KCNN2: variants seen among roughly 807,000 people sequenced by gnomAD.
KCNN2 encodes the protein potassium calcium-activated channel subfamily N member 2, also known as small conductance calcium-activated potassium channel protein 2.
A neutral mutation model predicts 55.5 loss-of-function variants in KCNN2; 24 were observed. The observed-to-expected ratio is 0.43, with a 90% confidence interval of 0.31 to 0.61. The LOEUF (loss-of-function observed/expected upper bound fraction) is 0.61. Among genes scored for constraint, KCNN2 ranks in the 20% least tolerant of loss-of-function variants. The pLI, the probability that KCNN2 is intolerant of heterozygous loss-of-function variation, is 0.08. For synonymous variants in KCNN2, 431 were observed against 336.1 expected (o/e 1.28, Z -3.09); for missense variants, 754 against 853.6 (o/e 0.88, Z 1.45).
rs1307519584 is a variant in KCNN2 at position 114,345,182 on chromosome 5, TCCA to T, written c.-184-15762_-184-15760del. ...CTCTATGGATTCATATAGATACATT[TCCA>T]AAATATCTTGTTAAGTGAAAAAAGT... On this transcript the variant is annotated intron_variant, in intron 2 of 10. Coordinates refer to the KCNN2 transcript ENST00000512097. Among the ~76,000 whole-genome samples, 26 of 152,308 alleles carry T rather than the reference TCCA, an allele frequency of 1.7e-4. No individual in the cohort carries two copies. In the South Asian group the frequency reaches 4.6e-3, roughly 27 times the overall value.
intron 5 of KCNN2, among the ~76,000 whole-genome samples, chr5:114,476,700 C>A (rs541984078): frequency 6.6e-6 from 1 of 152,020 alleles, no homozygotes; most frequent in East Asian, 1.9e-4. Flanking sequence ...GGATTACAGG[C>A]GTGAGCCACC....
At chr5:114,176,697 C>G (rs896134794) in intron 1 of KCNN2, among the ~76,000 whole-genome samples, 3 of 152,012 alleles carry the variant, frequency 2.0e-5, no homozygotes, top group Admixed American at 2.0e-4. Context: ...AATGAGGGTA[C>G]CAGTAAGATG....
chr5:114,117,542 G>C (rs1751729809), intron 1 of KCNN2, among the ~76,000 whole-genome samples: 1 of 152,202 alleles, frequency 6.6e-6, no homozygotes, highest in Non-Finnish European at 1.5e-5. Context: ...AATAACTGGA[G>C]AGCAGTGAAT....
intron 2 of KCNN2, among the ~76,000 whole-genome samples, chr5:114,343,487 A>T (rs909358873): frequency 3.9e-5 from 6 of 152,118 alleles, no homozygotes; most frequent in Non-Finnish European, 8.8e-5. Flanking sequence ...ATTTAGAGGG[A>T]ATTTTAGGTG....
intron 1 of KCNN2, among the ~76,000 whole-genome samples, chr5:114,069,899 A>G (rs900294110): frequency 6.6e-6 from 1 of 152,220 alleles, no homozygotes; most frequent in Non-Finnish European, 1.5e-5. Context: ...GAATGCAAGG[A>G]TACAGGTAAG....
intron 1 of KCNN2, among the ~76,000 whole-genome samples, chr5:114,069,174 T>C (rs1203905897): frequency 6.6e-6 from 1 of 152,190 alleles, no homozygotes; most frequent in Admixed American, 6.5e-5. Context: ...GTTTGTACAG[T>C]GTACCTGGTG....
intron 2 of KCNN2, among the ~76,000 whole-genome samples, chr5:114,278,175 G>A (rs1369417664): frequency 1.3e-5 from 2 of 152,164 alleles, no homozygotes; most frequent in African/African-American, 4.8e-5. Context: ...CACCAGTGGA[G>A]GCTGCAGAAC....
chr5:114,324,256 G>A (rs1756673983), intron 2 of KCNN2, among the ~76,000 whole-genome samples: 1 of 152,178 alleles, frequency 6.6e-6, no homozygotes, highest in Non-Finnish European at 1.5e-5. Flanking sequence ...CTAATCACGA[G>A]AACATGTGAG....
At chr5:114,274,255 T>C (rs1293306516) in intron 2 of KCNN2, among the ~76,000 whole-genome samples, 2 of 149,150 alleles carry the variant, frequency 1.3e-5, no homozygotes, top group African/African-American at 4.9e-5. Flanking sequence ...TTGTATAGTT[T>C]GAAGTCAGGT....
chr5:114,226,719 G>A (rs1238297238), intron 2 of KCNN2, among the ~76,000 whole-genome samples: 1 of 151,968 alleles, frequency 6.6e-6, no homozygotes, highest in South Asian at 2.1e-4. Context: ...TGGCTAACAC[G>A]GTGAATCCCA....
intron 2 of KCNN2, among the ~76,000 whole-genome samples, chr5:114,394,571 T>C (rs1351984735): frequency 6.6e-6 from 1 of 152,234 alleles, no homozygotes; most frequent in East Asian, 1.9e-4. Context: ...AAGGCCTTCC[T>C]TTCTCCAAGG....
chr5:114,178,757 A>G (rs1374751754), intron 1 of KCNN2, among the ~76,000 whole-genome samples: 5 of 152,210 alleles, frequency 3.3e-5, no homozygotes, highest in African/African-American at 1.2e-4. Flanking sequence ...AAGGTTAGTC[A>G]TAGAGTTAGG....
chr5:114,063,570 T>G (rs1750376806), intron 1 of KCNN2, among the ~76,000 whole-genome samples: 1 of 152,206 alleles, frequency 6.6e-6, no homozygotes, highest in Admixed American at 6.5e-5. Context: ...TGGAACATAC[T>G]TCAGGCAGCA....
At chr5:114,112,722 G>T (rs1268770864) in intron 1 of KCNN2, among the ~76,000 whole-genome samples, 1 of 152,014 alleles carries the variant, frequency 6.6e-6, no homozygotes, top group Non-Finnish European at 1.5e-5. Context: ...GTATGTGGGT[G>T]GAGAAACAGG....
At chr5:114,403,431 T>A (rs1391574025) in intron 2 of KCNN2, among the ~76,000 whole-genome samples, 1 of 152,224 alleles carries the variant, frequency 6.6e-6, no homozygotes, top group Non-Finnish European at 1.5e-5. Context: ...ACAGTATCTT[T>A]GGAATATATA....
chr5:114,441,988 G>C (rs761922933), intron 3 of KCNN2, among the ~76,000 whole-genome samples: 1 of 152,166 alleles, frequency 6.6e-6, no homozygotes, highest in South Asian at 2.1e-4. Flanking sequence ...CTCAGGGATA[G>C]CTTTCTGCCT....
chr5:114,178,662 T>G (rs991625787), intron 1 of KCNN2, among the ~76,000 whole-genome samples: 2 of 152,238 alleles, frequency 1.3e-5, no homozygotes, highest in Admixed American at 6.5e-5. Flanking sequence ...AACACTATTC[T>G]TTTGATATTT....
chr5:114,484,471 T>TA (rs978898463), intron 5 of KCNN2, among the ~76,000 whole-genome samples: 4 of 151,914 alleles, frequency 2.6e-5, no homozygotes, highest in African/African-American at 4.8e-5. Context: ...TTTATATAAA[T>TA]AAAAAAAATG....
chr5:114,207,164 G>A (rs935554978), intron 1 of KCNN2, among the ~76,000 whole-genome samples: 2 of 151,960 alleles, frequency 1.3e-5, no homozygotes, highest in South Asian at 4.2e-4. Flanking sequence ...TCTTGTTTTG[G>A]GGTGTATTAG....
Sources: allele counts gnomAD v4.1 joint callset (sites outside exome capture counted in the v4.1 genomes callset), GRCh38; gene constraint gnomAD v4.1.1; transcripts MANE v1.5; gene names NCBI Gene and HGNC (gene_info 2026-07-23, HGNC 2026-07-21).